Variants in SSBP3 observed in about 807,000 individuals in gnomAD.
SSBP3 encodes single stranded DNA binding protein 3.
A neutral mutation model predicts 69.6 loss-of-function variants in SSBP3; 5 were observed. The observed-to-expected ratio is 0.07, with a 90% CI of 0.04 to 0.15. The LOEUF (loss-of-function observed/expected upper bound fraction) is 0.15. SSBP3 is among the 10% of genes least tolerant of loss of function. SSBP3 has a pLI of 1.00. For synonymous variants in SSBP3, 196 were observed against 193.4 expected (o/e 1.01, Z -0.11); for missense variants, 312 against 534.0 (o/e 0.58, Z 4.10).
chr1:54,249,422 C>T (rs963002251), intron 9 of SSBP3, among the ~76,000 whole-genome samples: 3 of 152,184 alleles, frequency 2.0e-5, no homozygotes, highest in African/African-American at 4.8e-5. Flanking sequence ...TGGCCAGGCA[C>T]GGTGGCTCAC....
At chr1:54,253,035 G>T (rs376472051) in intron 7 of SSBP3, among the ~76,000 whole-genome samples, 7 of 152,200 alleles carry the variant, frequency 4.6e-5, no homozygotes, top group Non-Finnish European at 7.3e-5. Flanking sequence ...GGTGGAAAGC[G>T]AAGGGACAGA....
intron 4 of SSBP3, among the ~76,000 whole-genome samples, chr1:54,338,423 A>C (rs1023866845): frequency 2.0e-5 from 3 of 152,224 alleles, no homozygotes; most frequent in Admixed American, 6.5e-5. Flanking sequence ...TTGAATAAAT[A>C]ACCAAAGTGA....
intron 5 of SSBP3, among the ~76,000 whole-genome samples, chr1:54,272,161 G>A (rs1645204383): frequency 1.3e-5 from 2 of 152,226 alleles, no homozygotes; most frequent in South Asian, 2.1e-4. Flanking sequence ...TTTGGGAGAG[G>A]AAGTGTTTCA....
intron 14 of SSBP3, among the ~76,000 whole-genome samples, chr1:54,231,452 T>C (rs951696183): frequency 6.6e-6 from 1 of 152,220 alleles, no homozygotes; most frequent in Non-Finnish European, 1.5e-5. Flanking sequence ...CATGATTTAT[T>C]TTCTCCATTC....
At chr1:54,363,994 C>A (rs894183127) in intron 4 of SSBP3, among the ~76,000 whole-genome samples, 2 of 151,770 alleles carry the variant, frequency 1.3e-5, no homozygotes, top group Admixed American at 1.3e-4. Flanking sequence ...AGGTGTTGGT[C>A]CCTAATTCAA....
At position 54,232,730 on chromosome 1, in the gene SSBP3, T is replaced by C. The variant is rs544978446; in HGVS notation, c.928-3904A>G. 7.9e-3 allele frequency among the ~76,000 whole-genome samples: 1,197 copies of C among 151,158 alleles called. 14 individuals carry two copies. The highest frequency in any genetic ancestry group is 0.027 in the African/African-American group (1,109 of 41,366). ...GCCTCAGCCTGCCGAGTGCCTGCGA[T>C]TGCAGGCACGCGCCGCCACGCCTGA... On this transcript the variant is annotated intron_variant, in intron 14 of 17. Coordinates refer to ENST00000610401, the Ensembl canonical transcript of SSBP3.
intron 5 of SSBP3, among the ~76,000 whole-genome samples, chr1:54,267,000 G>T (rs1330627811): frequency 6.6e-6 from 1 of 152,210 alleles, no homozygotes; most frequent in African/African-American, 2.4e-5. Context: ...CCTTCCCCTT[G>T]TTTGCCAGCA....
intron 4 of SSBP3, among the ~76,000 whole-genome samples, chr1:54,288,432 G>A (rs563430675): frequency 6.6e-6 from 1 of 152,300 alleles, no homozygotes; most frequent in African/African-American, 2.4e-5. Context: ...ACCTGTCAGG[G>A]CCAGGCCATC....
intron 4 of SSBP3, among the ~76,000 whole-genome samples, chr1:54,385,101 A>C (rs764878453): frequency 2.6e-5 from 4 of 152,212 alleles, no homozygotes; most frequent in Non-Finnish European, 4.4e-5. Flanking sequence ...TCCTGAGCGC[A>C]GATCCCTAGA....
intron 5 of SSBP3, among the ~76,000 whole-genome samples, chr1:54,273,914 C>A (rs527974792): frequency 6.6e-6 from 1 of 152,340 alleles, no homozygotes; most frequent in South Asian, 2.1e-4. Context: ...CCAACTGTGG[C>A]CTGGAGCCCA....
intron 14 of SSBP3, chr1:54,238,271 A>G (rs566354260): frequency 6.4e-5 from 30 of 471,048 alleles, no homozygotes; most frequent in South Asian, 4.5e-4. Flanking sequence ...GAGTGCCCCA[A>G]AAGGCCCTAC....
At chr1:54,233,508 C>G (rs371615076) in intron 14 of SSBP3, among the ~76,000 whole-genome samples, 1 of 149,474 alleles carries the variant, frequency 6.7e-6, no homozygotes, top group Non-Finnish European at 1.5e-5. Context: ...GCCCCCCGCC[C>G]GGCCAGCCGC....
intron 4 of SSBP3, among the ~76,000 whole-genome samples, chr1:54,289,020 C>CAAAAAAAAAAAAAACAA (rs1645546816): frequency 2.3e-5 from 1 of 43,920 alleles, no homozygotes; most frequent in African/African-American, 6.6e-5. Context: ...ACTCTGTCTC[C>CAAAAAAAAAAAAAACAA]AAAAAAAAAA....
Position 54,386,070 on chromosome 1 carries a change from A to G in SSBP3, c.276+15791T>C, listed in dbSNP as rs147616838. ...AAAAGTATCATGGAAGACTCAGCCCACAAGAAAACCATCCAGAAAGTAGAG... is the reference window on the plus strand; with the variant it reads ...AAAAGTATCATGGAAGACTCAGCCCGCAAGAAAACCATCCAGAAAGTAGAG... On this transcript the variant is annotated intron_variant, in intron 4 of 17. Transcript: ENST00000610401. Among the ~76,000 whole-genome samples, 192 of 152,358 alleles carry G rather than the reference A, an allele frequency of 1.3e-3. 4 individuals are homozygous for G. In the East Asian group the frequency reaches 0.032, roughly 25 times the overall value.
chr1:54,332,467 A>T (rs138150542), intron 4 of SSBP3, among the ~76,000 whole-genome samples: 29 of 152,312 alleles, frequency 1.9e-4, no homozygotes, highest in African/African-American at 7.0e-4. Flanking sequence ...CAAGCTGCCC[A>T]TCTGGCTGCA....
intron 5 of SSBP3, among the ~76,000 whole-genome samples, chr1:54,275,447 T>C (rs4927080): frequency 0.44 from 67,092 of 152,180 alleles, 15,082 homozygotes; most frequent in Admixed American, 0.52. Flanking sequence ...GCAGGAGGAA[T>C]GTCCGCTCCC....
chr1:54,360,543 C>G (rs1289139992), intron 4 of SSBP3, among the ~76,000 whole-genome samples: 1 of 152,196 alleles, frequency 6.6e-6, no homozygotes, highest in Non-Finnish European at 1.5e-5. Context: ...CCCAGGTAAA[C>G]TGGCCTGGGA....
chr1:54,302,318 A>ATT (rs10686460), intron 4 of SSBP3, among the ~76,000 whole-genome samples: 402 of 144,678 alleles, frequency 2.8e-3, no homozygotes, highest in African/African-American at 6.8e-3. Flanking sequence ...TCTGAGCATA[A>ATT]TTTTTTTTTT....
chr1:54,303,506 G>A (rs1403799495), intron 4 of SSBP3, among the ~76,000 whole-genome samples: 2 of 152,142 alleles, frequency 1.3e-5, no homozygotes, highest in Admixed American at 1.3e-4. Context: ...CACTCATCCC[G>A]TTCAATCCTG....
Sources: gnomAD v4.1 joint callset for allele counts (sites outside exome capture counted in the v4.1 genomes callset) on GRCh38, gnomAD v4.1.1 for gene constraint, MANE v1.5 for transcripts, NCBI Gene and HGNC (gene_info 2026-07-23, HGNC 2026-07-21) for gene names.